The following ISL1 variants were observed in gnomAD, a reference collection of about 807,000 sequenced individuals.
ISL1 encodes the protein insulin gene enhancer protein ISL-1.
ISL1 carries 4 observed loss-of-function variants against 35.3 expected under a neutral mutation model. That is an observed-to-expected ratio of 0.11 (90% CI 0.06 to 0.26). The LOEUF (loss-of-function observed/expected upper bound fraction) is 0.26. Ranked by LOEUF, ISL1 falls within the 10% of genes least tolerant of loss-of-function variation. The pLI, the probability that ISL1 is intolerant of heterozygous loss-of-function variation, is 1.00. For synonymous variants in ISL1, 186 were observed against 172.3 expected, an observed-to-expected ratio of 1.08 and a Z score of -0.62; for missense variants, 340 against 472.8, an observed-to-expected ratio of 0.72 and a Z score of 2.60.
chr5:51,383,598 AG>A lies in ISL1; in HGVS notation c.-73del. The stretch of plus-strand genomic sequence containing the variant: ...ATATTTCCCACTTAGCCACAGCTCC[AG>A]CATCCTCTCTGTGGGCTGTTCACCA... On this transcript the variant is annotated 5_prime_UTR_variant, in exon 1 of 6. Coordinates refer to ENST00000230658, the MANE Select transcript of ISL1 (RefSeq NM_002202.3). 8.0e-7 allele frequency: 1 copy of A among 1,247,312 alleles called. No homozygotes were observed. The highest frequency in any genetic ancestry group is 1.2e-6 in the Non-Finnish European group (1 of 844,886). The allele number at this position is 1,247,312 out of a possible 1,614,324, so 77.3% of individuals were successfully genotyped here. A position where few individuals can be genotyped will look rare whatever the true frequency, so the allele number is the denominator to read the frequency against.
At chr5:51,385,260 T>G (rs1465045475) in intron 2 of ISL1, among the ~76,000 whole-genome samples, 2 of 152,212 alleles carry the variant, frequency 1.3e-5, no homozygotes, top group South Asian at 2.1e-4. Flanking sequence ...ATTTTTGGGG[T>G]AAGACCTCCT....
At chr5:51,391,516 G>T in intron 5 of ISL1, 75 bp downstream of exon 5, 3 of 1,545,866 alleles carry the variant, frequency 1.9e-6, no homozygotes, top group South Asian at 1.1e-5. Flanking sequence ...CACATTGAAA[G>T]ATTCAGTGGG....
chr5:51,385,415 T>A (rs1485366080), intron 2 of ISL1, among the ~76,000 whole-genome samples: 2 of 152,222 alleles, frequency 1.3e-5, no homozygotes, highest in African/African-American at 2.4e-5. Context: ...CAGATCAAAT[T>A]GCCCATCATC....
At position 51,383,457 on chromosome 5, in the gene ISL1, G is replaced by T. The variant is rs1302120080; in HGVS notation, c.-215G>T. The T allele has an allele frequency of 4.9e-6, 3 of 616,992 alleles. No homozygotes were observed. Among genetic ancestry groups the T allele is most frequent in the Non-Finnish European group, 8.7e-6 (3 of 345,648 alleles). The allele number at this position is 616,992 out of a possible 1,614,324, so 38.2% of individuals were successfully genotyped here. ...GTGCCCGAGCCGCGCCGAGTCTGCC[G>T]CCGCCGCAGCGCCTCCGCTCCGCCA... On this transcript the variant is annotated 5_prime_UTR_variant, in exon 1 of 6. Transcript: ENST00000230658.
chr5:51,386,819 A>T (rs888706670), intron 2 of ISL1, among the ~76,000 whole-genome samples: 3 of 152,214 alleles, frequency 2.0e-5, no homozygotes, highest in Non-Finnish European at 4.4e-5. Flanking sequence ...TTCTGTTAAC[A>T]TTGCTGCCTG....
rs547239921 is a variant in ISL1, at chr5:51,389,821, G to C, written c.654G>C (p.Thr218=). 8.1e-6 allele frequency: 13 copies of C among 1,614,214 alleles called. No homozygotes were observed. Among genetic ancestry groups the C allele is most frequent in the South Asian group, 1.1e-5 (1 of 91,090 alleles). Residue 218 remains threonine, a synonymous_variant, in exon 4 of 6, where the codon ACG becomes ACC. Coordinates refer to ENST00000230658, the MANE Select transcript of ISL1 (RefSeq NM_002202.3). The surrounding 1 kb of genome is among the most constrained non-coding windows in gnomAD (Gnocchi z 5.0). ...TGAAGGAGCAACTGGTAGAGATGAC[G>C]GGCCTCAGTCCCCGTGTGATCCGGG... ...ALMKEQLVEM[T]GLSPRVIRVW... is the part of the protein sequence containing the mutation.
intron 1 of ISL1, among the ~76,000 whole-genome samples, chr5:51,384,243 A>AGGGGG (rs60114688): frequency 3.4e-5 from 4 of 116,204 alleles, no homozygotes; most frequent in African/African-American, 9.6e-5. Flanking sequence ...GCAAAGAGGA[A>AGGGGG]GGGGGGGGGG....
At position 51,394,149 on chromosome 5, in the gene ISL1, G is replaced by T. The variant is rs41268421; in HGVS notation, c.*539G>T. On this transcript the variant is annotated 3_prime_UTR_variant, in exon 6 of 6. Transcript: ENST00000230658. The stretch of plus-strand genomic sequence containing the variant: ...TGTTTAAAGTTGACTTTAACAAGGG[G>T]TTAATTGAAATCCTGGGTCTCTTGG... 0.031 allele frequency: 4,848 copies of T among 157,424 alleles called. 81 individuals carry two copies. The highest frequency in any genetic ancestry group is 0.046 in the Middle Eastern group (14 of 304). 9.8% of individuals were successfully genotyped at this position (157,424 alleles called of 1,614,324 possible).
chr5:51,387,733 G>T lies in ISL1; in HGVS notation c.462G>T (p.Arg154=), dbSNP rs544000199. The change falls in exon 3 of 6, where the codon CGG becomes CGT. Residue 154 remains arginine (R), a synonymous_variant. Coordinates refer to ENST00000230658, the MANE Select transcript of ISL1 (RefSeq NM_002202.3). This position sits in a 1 kb window ranked among gnomAD's most constrained non-coding sequence, Gnocchi z 4.3. The stretch of plus-strand genomic sequence containing the variant: ...CGCTCAGTCCCCTGCATCCAGCGCG[G>T]CCACTGCAAATGGCAGGTACTCCTC... ...GDPLSPLHPA[R]PLQMAAEPIS... 3.5e-5 allele frequency: 57 copies of T among 1,614,030 alleles called. No homozygotes were observed. Among genetic ancestry groups the T allele is most frequent in the Non-Finnish European group, 4.7e-5 (55 of 1,180,044 alleles).
At chr5:51,390,088 C>A (rs908001704) in intron 4 of ISL1, among the ~76,000 whole-genome samples, 156 bp downstream of exon 4, 2 of 152,108 alleles carry the variant, frequency 1.3e-5, no homozygotes, top group Admixed American at 1.3e-4. Flanking sequence ...CTACCCATGC[C>A]CCGGGGGACA....
In ISL1 at chr5:51,387,613, C is replaced by T. The variant is rs1407857849; in HGVS notation, c.342C>T (p.Leu114=). Residue 114 remains leucine (L), a synonymous_variant, in exon 3 of 6, where the codon CTC becomes CTT. Transcript: ENST00000230658. This position sits in a 1 kb window ranked among gnomAD's most constrained non-coding sequence, Gnocchi z 4.3. ...CFRCVACSRQ[L]IPGDEFALRE... is the part of the protein sequence containing the mutation. Reference sequence around the variant, plus strand: ...GCTGTGTGGCCTGCAGCCGCCAGCTCATCCCTGGGGACGAATTTGCGCTTC... The same window carrying T: ...GCTGTGTGGCCTGCAGCCGCCAGCTTATCCCTGGGGACGAATTTGCGCTTC... 1 of 1,614,246 alleles carries T rather than the reference C, an allele frequency of 6.2e-7. No individual in the cohort carries two copies.
rs1747388621 is a variant in ISL1 at position 51,387,883 on chromosome 5, A to G, written c.478+134A>G. 7 of 1,199,122 alleles carry G rather than the reference A, an allele frequency of 5.8e-6. No individual in the cohort carries two copies. The highest frequency in any genetic ancestry group is 1.4e-5 in the South Asian group (1 of 73,484). The allele number at this position is 1,199,122 out of a possible 1,614,324, so 74.3% of individuals were successfully genotyped here. A position where few individuals can be genotyped will look rare whatever the true frequency, so the allele number is the denominator to read the frequency against. ...AGTTAAATGAAGTGTTCTGTATGCA[A>G]TTTGCGCTGTGCTCTGCTCCTTTGC... On this transcript the variant is annotated intron_variant, in intron 3 of 5. Transcript: ENST00000230658. The surrounding 1 kb of genome is among the most constrained non-coding windows in gnomAD (Gnocchi z 4.3).
Position 51,387,521 on chromosome 5 carries a change from A to G in ISL1, c.250A>G (p.Ile84Val), listed in dbSNP as rs373022588. 5 of 1,614,058 alleles carry G rather than the reference A, an allele frequency of 3.1e-6. No homozygotes were observed. The African/African-American group carries it at 6.7e-5, about 22-fold the overall frequency. The change falls in exon 3 of 6, where the codon ATC becomes GTC. Residue 84 changes from isoleucine (I) to valine (V), a missense_variant. By Grantham distance (29) the Ile-to-Val change is conservative. Around this residue, in one of 7 missense-constraint regions of ISL1, gnomAD observed 70 missense variants for 130.3 expected, o/e 0.54. Coordinates refer to ENST00000230658, the MANE Select transcript of ISL1 (RefSeq NM_002202.3). The surrounding 1 kb of genome is among the most constrained non-coding windows in gnomAD (Gnocchi z 4.3). ...LYGIKCAKCSIGFSKNDFVMR... is the reference protein window; with the variant it reads ...LYGIKCAKCSVGFSKNDFVMR... The stretch of plus-strand genomic sequence containing the variant: ...CGGGATCAAATGCGCCAAGTGCAGC[A>G]TCGGCTTCAGCAAGAACGACTTCGT...
At position 51,390,642 on chromosome 5, in the gene ISL1, C is replaced by CTTTTTTTTTT. The variant is rs57707586; in HGVS notation, c.766-603_766-594dup. 1.9e-3 allele frequency among the ~76,000 whole-genome samples: 76 copies of CTTTTTTTTTT among 40,154 alleles called. 3 individuals are homozygous for CTTTTTTTTTT. Among genetic ancestry groups the CTTTTTTTTTT allele is most frequent in the South Asian group, 4.6e-3 (4 of 868 alleles). 26.3% of individuals were successfully genotyped at this position (40,154 alleles called of 152,430 possible). A position where few individuals can be genotyped will look rare whatever the true frequency, so the allele number is the denominator to read the frequency against. On this transcript the variant is annotated intron_variant, in intron 4 of 5. Transcript: ENST00000230658. ...TCCTTTTTTTCTTTTCTTTCTTTTT[C>CTTTTTTTTTT]TTTTTTTTTTTTTTTTTTTTTTTTT...
chr5:51,392,965 A>T (rs757224978), intron 5 of ISL1, among the ~76,000 whole-genome samples: 2 of 152,180 alleles, frequency 1.3e-5, no homozygotes, highest in Non-Finnish European at 2.9e-5. Flanking sequence ...GAGAAAGGCC[A>T]AGAGGCAGCA....
rs1462249541 is a variant in ISL1 at position 51,393,831 on chromosome 5, G to A, written c.*221G>A. On this transcript the variant is annotated 3_prime_UTR_variant, in exon 6 of 6. Transcript: ENST00000230658. ...ACTAGAATTAAACAACAAACAAAAC[G>A]CAAAACCCAGTATATGCTATTCAAT... 34 of 588,482 alleles carry A rather than the reference G, an allele frequency of 5.8e-5. No homozygotes were observed. Among genetic ancestry groups the A allele is most frequent in the Middle Eastern group, 4.6e-4 (1 of 2,186 alleles). 36.5% of individuals were successfully genotyped at this position (588,482 alleles called of 1,614,324 possible). A position where few individuals can be genotyped will look rare whatever the true frequency, so the allele number is the denominator to read the frequency against.
chr5:51,390,433 C>T (rs1341621167), intron 4 of ISL1, among the ~76,000 whole-genome samples: 1 of 151,976 alleles, frequency 6.6e-6, no homozygotes, highest in Admixed American at 6.5e-5. Flanking sequence ...TCGGCCGCTG[C>T]GCCTTCAGGC....
Position 51,391,410 on chromosome 5 carries a change from G to A in ISL1, c.902G>A (p.Ser301Asn). Reference sequence around the variant, plus strand: ...GTACTGAGCGACTTCGCCTTGCAGAGTGACATAGATCAGCCTGCTTTTCAG... The same window carrying A: ...GTACTGAGCGACTTCGCCTTGCAGAATGACATAGATCAGCCTGCTTTTCAG... ...WKVLSDFALQ[S>N]DIDQPAFQQL... is the part of the protein sequence containing the mutation. The change falls in exon 5 of 6, where the codon AGT (serine) becomes AAT (asparagine). Residue 301 changes from serine (S) to asparagine (N), a missense_variant. Transcript: ENST00000230658. 6.2e-7 allele frequency: 1 copy of A among 1,614,194 alleles called. No homozygotes were observed. The highest frequency in any genetic ancestry group is 8.5e-7 in the Non-Finnish European group (1 of 1,180,044).
In ISL1 at chr5:51,387,991, A is replaced by C. The variant is rs1047681492; in HGVS notation, c.478+242A>C. The stretch of plus-strand genomic sequence containing the variant: ...TGTGTGTCTCTATATGGTTACACAT[A>C]AATGTACACCACTTGTGTACACGTG... On this transcript the variant is annotated intron_variant, in intron 3 of 5. Transcript: ENST00000230658. The surrounding 1 kb of genome is among the most constrained non-coding windows in gnomAD (Gnocchi z 4.3). Among the ~76,000 whole-genome samples the C allele has an allele frequency of 6.6e-6, 1 of 152,388 alleles. No individual in the cohort carries two copies. The highest frequency in any genetic ancestry group is 3.4e-3 in the Middle Eastern group (1 of 294).
Sources: allele counts gnomAD v4.1 joint callset (sites outside exome capture counted in the v4.1 genomes callset), GRCh38; gene constraint gnomAD v4.1.1; regional missense constraint gnomAD v4.1.1; non-coding constraint Gnocchi (gnomAD v3.1); transcripts MANE v1.5; gene names NCBI Gene and HGNC (gene_info 2026-07-23, HGNC 2026-07-21).